Variants in DENND1A observed in about 807,000 individuals in gnomAD.
DENND1A encodes the protein DENN domain containing 1A.
DENND1A carries 51 observed loss-of-function variants against 113.7 expected under a neutral mutation model. The observed-to-expected ratio is 0.45, with a 90% CI of 0.36 to 0.57. The LOEUF (loss-of-function observed/expected upper bound fraction) is 0.57. DENND1A is among the 20% of genes least tolerant of loss of function. DENND1A has a pLI of 0.00. For missense variants in DENND1A, 1,258 were observed against 1,395.9 expected (o/e 0.90, Z 1.57); for synonymous variants, 565 against 570.8 (o/e 0.99, Z 0.14).
intron 4 of DENND1A, among the ~76,000 whole-genome samples, chr9:123,765,165 G>A (rs896886964): frequency 3.9e-5 from 6 of 152,030 alleles, no homozygotes; most frequent in Non-Finnish European, 7.4e-5. Flanking sequence ...AAATAAAACC[G>A]TTTGTTAGGC....
chr9:123,866,971 C>T (rs1845875402), intron 2 of DENND1A, among the ~76,000 whole-genome samples: 1 of 152,164 alleles, frequency 6.6e-6, no homozygotes, highest in South Asian at 2.1e-4. Flanking sequence ...TTATCTGCAT[C>T]TATCTTCTCC....
chr9:123,863,575 C>G (rs1471584288), intron 2 of DENND1A, among the ~76,000 whole-genome samples: 1 of 151,518 alleles, frequency 6.6e-6, no homozygotes, highest in African/African-American at 2.4e-5. Context: ...CCACTGCAAT[C>G]ACATTTTGGT....
At chr9:123,808,672 TG>T in intron 2 of DENND1A, among the ~76,000 whole-genome samples, 1 of 152,268 alleles carries the variant, frequency 6.6e-6, no homozygotes, top group African/African-American at 2.4e-5. Flanking sequence ...TTGACGCCCC[TG>T]GTCTGGGGGA....
At chr9:123,541,950 A>G (rs2056319789) in intron 13 of DENND1A, among the ~76,000 whole-genome samples, 1 of 152,228 alleles carries the variant, frequency 6.6e-6, no homozygotes, top group Non-Finnish European at 1.5e-5. Flanking sequence ...CTTAGCCAGT[A>G]CCAAACTACA....
At chr9:123,520,563 G>A (rs1431964657) in intron 13 of DENND1A, among the ~76,000 whole-genome samples, 2 of 152,254 alleles carry the variant, frequency 1.3e-5, no homozygotes, top group African/African-American at 2.4e-5. Flanking sequence ...CTGATGGCAT[G>A]TAGGCTGATG....
intron 3 of DENND1A, among the ~76,000 whole-genome samples, chr9:123,781,566 T>C (rs906729248): frequency 6.6e-6 from 1 of 152,150 alleles, no homozygotes; most frequent in Non-Finnish European, 1.5e-5. Context: ...AAAACATTTA[T>C]TAAACTAGAT....
At chr9:123,631,185 G>A (rs1050805386) in intron 9 of DENND1A, among the ~76,000 whole-genome samples, 10 of 151,888 alleles carry the variant, frequency 6.6e-5, no homozygotes, top group Admixed American at 2.0e-4. Context: ...TTACACCCCC[G>A]ACCCCCAGCC....
rs551570004 is a variant in DENND1A at position 123,516,515 on chromosome 9, C to T, written c.993+41055G>A. On this transcript the variant is annotated intron_variant, in intron 13 of 23. Transcript: ENST00000394215. Reference sequence around the variant, plus strand: ...AATTAAAACAATTCATTTCTCTTTGCCTATTAAATTGGCAAATATAAAAAA... The same window carrying T: ...AATTAAAACAATTCATTTCTCTTTGTCTATTAAATTGGCAAATATAAAAAA... Among the ~76,000 whole-genome samples the T allele has an allele frequency of 4.4e-4, 67 of 152,150 alleles. 1 individual carries two copies. In the Middle Eastern group the frequency reaches 0.01, roughly 23 times the overall value.
rs1275084755 is a variant in DENND1A, at chr9:123,824,748, G to A, written c.89-32118C>T. 3.3e-5 allele frequency among the ~76,000 whole-genome samples: 5 copies of A among 152,168 alleles called. No individual in the cohort carries two copies. The East Asian group carries it at 5.8e-4, about 18-fold the overall frequency. On this transcript the variant is annotated intron_variant, in intron 2 of 23. Transcript: ENST00000394215. ...ATTGGGGAAAAAAGCTTTAGCTATC[G>A]ATTCTAGTGTAAGATTAAATGATTA...
At chr9:123,487,141 A>G (rs2050948899) in intron 13 of DENND1A, among the ~76,000 whole-genome samples, 1 of 152,254 alleles carries the variant, frequency 6.6e-6, no homozygotes, top group African/African-American at 2.4e-5. Flanking sequence ...AAAGCCAAAC[A>G]GAGGTCACTG....
chr9:123,699,267 A>C (rs1198102366), intron 5 of DENND1A, among the ~76,000 whole-genome samples: 3 of 152,246 alleles, frequency 2.0e-5, no homozygotes. Context: ...ACTTAGTATC[A>C]TATGGTCATT....
In DENND1A at chr9:123,667,075, G is replaced by T; in HGVS notation, c.458C>A (p.Ser153Tyr). The T allele has an allele frequency of 6.3e-7, 1 of 1,599,820 alleles. No individual in the cohort carries two copies. The highest frequency in any genetic ancestry group is 8.5e-7 in the Non-Finnish European group (1 of 1,175,618). Residue 153 changes from serine (S) to tyrosine (Y), a missense_variant, in exon 8 of 24, where the codon TCT (serine) becomes TAT (tyrosine). By Grantham distance (144) the Ser-to-Tyr change is moderately radical. This residue lies in a region of DENND1A where 1,159 missense variants were observed against 1,231.7 expected (regional missense o/e 0.94). Coordinates refer to ENST00000394215, the MANE Select transcript of DENND1A (RefSeq NM_001352964.2). ...TCTGGTATCAGGCACAGTAAAATAA[G>T]AATGCTAGAAAAGAAAAGCAAAAGT... is the stretch of plus-strand genomic sequence containing the variant. Reference protein sequence around the residue: ...PGVSVHLSVHSYFTVPDTREL... With the variant: ...PGVSVHLSVHYYFTVPDTREL...
chr9:123,553,194 C>T (rs981759537), intron 13 of DENND1A, among the ~76,000 whole-genome samples: 1 of 152,168 alleles, frequency 6.6e-6, no homozygotes, highest in African/African-American at 2.4e-5. Flanking sequence ...GAGGTTGAGG[C>T]TGCCATGAGC....
chr9:123,421,345 G>T (rs1156326184), intron 19 of DENND1A, among the ~76,000 whole-genome samples: 2 of 151,924 alleles, frequency 1.3e-5, no homozygotes, highest in Non-Finnish European at 2.9e-5. Flanking sequence ...CTAACGGGTG[G>T]CAGAGCCAGG....
At chr9:123,624,085 G>A (rs768841348) in intron 10 of DENND1A, among the ~76,000 whole-genome samples, 1 of 152,188 alleles carries the variant, frequency 6.6e-6, no homozygotes, top group African/African-American at 2.4e-5. Flanking sequence ...ACTAGAAACC[G>A]CCCTTCCTGT....
chr9:123,693,947 C>T (rs1008696388), intron 5 of DENND1A, among the ~76,000 whole-genome samples: 5 of 151,436 alleles, frequency 3.3e-5, no homozygotes, highest in African/African-American at 4.8e-5. Flanking sequence ...CCTGCCTTAG[C>T]CTCCCGAGTA....
intron 1 of DENND1A, among the ~76,000 whole-genome samples, chr9:123,909,796 C>A (rs550915419): frequency 1.3e-5 from 2 of 151,860 alleles, no homozygotes; most frequent in African/African-American, 2.4e-5. Context: ...ATAAAAAAAA[C>A]CTAAAAACAT....
At chr9:123,792,682 A>G (rs751200111) in intron 2 of DENND1A, 52 bp from the exon 3 acceptor site, 1 of 1,585,530 alleles carries the variant, frequency 6.3e-7, no homozygotes, top group South Asian at 1.1e-5. Context: ...GTGAGCAAGC[A>G]GAGGATCACA....
intron 13 of DENND1A, among the ~76,000 whole-genome samples, chr9:123,481,437 C>T (rs368920231): frequency 2.6e-5 from 4 of 152,356 alleles, no homozygotes; most frequent in East Asian, 1.9e-4. Context: ...CATTTACAGA[C>T]GGCCCTCCTG....
Sources: gnomAD v4.1 joint callset for allele counts (sites outside exome capture counted in the v4.1 genomes callset) on GRCh38, gnomAD v4.1.1 for gene constraint, gnomAD v4.1.1 regional missense constraint, MANE v1.5 for transcripts, NCBI Gene and HGNC (gene_info 2026-07-23, HGNC 2026-07-21) for gene names.